Variants in BRD10 observed in about 807,000 individuals in gnomAD.
The protein encoded by BRD10 is uncharacterized bromodomain-containing protein 10.
chr9:5,998,767 G>C, the BRD10 span, among the ~76,000 whole-genome samples: 1 of 151,934 alleles, frequency 6.6e-6, no homozygotes, highest in Non-Finnish European at 1.5e-5. Flanking sequence ...ATATGATTAA[G>C]AGCTTTGACT....
the BRD10 span, chr9:5,921,881 G>C: frequency 6.2e-7 from 1 of 1,613,982 alleles, no homozygotes; most frequent in African/African-American, 1.3e-5. Context: ...GTGGCCTAAT[G>C]TAAGTTTGAG....
the BRD10 span, chr9:5,922,718 G>C: frequency 6.2e-7 from 1 of 1,613,904 alleles, no homozygotes; most frequent in Non-Finnish European, 8.5e-7. Flanking sequence ...TCCTGTTTTA[G>C]GATCCACCAT....
the BRD10 span, among the ~76,000 whole-genome samples, chr9:5,972,681 A>C: frequency 1.3e-5 from 2 of 152,190 alleles, no homozygotes; most frequent in Admixed American, 1.3e-4. Context: ...TAGGAGTAGA[A>C]GCAGTCTGAG....
At chr9:5,915,364 T>C in the BRD10 span, among the ~76,000 whole-genome samples, 3 of 152,206 alleles carry the variant, frequency 2.0e-5, no homozygotes, top group Non-Finnish European at 4.4e-5. Context: ...CTAAGTACTT[T>C]AGGTAAATTA....
the BRD10 span, among the ~76,000 whole-genome samples, chr9:5,912,637 C>G: frequency 6.6e-6 from 1 of 152,142 alleles, no homozygotes; most frequent in Non-Finnish European, 1.5e-5. Flanking sequence ...TCCTTGTGAC[C>G]TTTGTAGATA....
chr9:5,994,315 T>A, the BRD10 span, among the ~76,000 whole-genome samples: 1 of 152,186 alleles, frequency 6.6e-6, no homozygotes, highest in Non-Finnish European at 1.5e-5. Context: ...AAGGTATATA[T>A]TCAAAATGTT....
the BRD10 span, chr9:5,922,318 T>C: frequency 1.2e-6 from 2 of 1,614,012 alleles, no homozygotes; most frequent in Non-Finnish European, 1.7e-6. Context: ...AAATGGTCGG[T>C]GAAGCACTGG....
At chr9:5,969,097 T>C in the BRD10 span, 2 of 1,613,068 alleles carry the variant, frequency 1.2e-6, no homozygotes, top group East Asian at 4.5e-5. Flanking sequence ...TGTACCACTG[T>C]TGTACTTTCT....
the BRD10 span, among the ~76,000 whole-genome samples, chr9:5,942,055 G>T: frequency 1.3e-5 from 2 of 151,934 alleles, no homozygotes; most frequent in South Asian, 4.2e-4. Context: ...AATATATCTT[G>T]TTACTGGAGC....
At chr9:5,978,993 C>G in the BRD10 span, among the ~76,000 whole-genome samples, 3 of 152,096 alleles carry the variant, frequency 2.0e-5, no homozygotes, top group African/African-American at 7.2e-5. Flanking sequence ...TGTAAGAAAG[C>G]TATTTAAAAA....
chr9:5,998,712 A>G, the BRD10 span, among the ~76,000 whole-genome samples: 1 of 152,098 alleles, frequency 6.6e-6, no homozygotes, highest in Admixed American at 6.5e-5. Flanking sequence ...CAGTTATCCT[A>G]TAATTTATAT....
chr9:6,003,114 TAAC>T, the BRD10 span, among the ~76,000 whole-genome samples: 1 of 152,190 alleles, frequency 6.6e-6, no homozygotes. Context: ...TTTTTAACAG[TAAC>T]AATATGGAAA....
the BRD10 span, among the ~76,000 whole-genome samples, chr9:5,959,967 A>G: frequency 2.6e-5 from 4 of 152,132 alleles, no homozygotes; most frequent in Non-Finnish European, 2.9e-5. Flanking sequence ...TTCCAGTGAC[A>G]CCTCACTTAA....
chr9:5,976,000 C>T, the BRD10 span, among the ~76,000 whole-genome samples: 14 of 152,096 alleles, frequency 9.2e-5, no homozygotes, highest in Non-Finnish European at 1.8e-4. Context: ...TAAATAGCAA[C>T]AGATAATGCC....
the BRD10 span, among the ~76,000 whole-genome samples, chr9:5,927,106 G>C: frequency 6.6e-6 from 1 of 152,130 alleles, no homozygotes; most frequent in Admixed American, 6.5e-5. Flanking sequence ...AAATATCTAT[G>C]TGGGGATAGT....
chr9:5,921,647 G>C, the BRD10 span: 1 of 1,613,914 alleles, frequency 6.2e-7, no homozygotes, highest in Non-Finnish European at 8.5e-7. Context: ...CCTTGTAACA[G>C]GGTAACTTTT....
At chr9:5,955,047 C>T in the BRD10 span, among the ~76,000 whole-genome samples, 1 of 151,792 alleles carries the variant, frequency 6.6e-6, no homozygotes. Context: ...AAGATCGCAC[C>T]ATTGTTCTCC....
At chr9:5,894,446 G>A in the BRD10 span, among the ~76,000 whole-genome samples, 6 of 152,144 alleles carry the variant, frequency 3.9e-5, no homozygotes, top group Non-Finnish European at 7.3e-5. The surrounding 1 kb of genome is among the most constrained non-coding windows in gnomAD (Gnocchi z 4.0). Context: ...GGTAACAAAC[G>A]GAAGGGTGAG....
chr9:5,954,157 C>G, the BRD10 span: 4 of 853,370 alleles, frequency 4.7e-6, no homozygotes, highest in East Asian at 1.1e-4. Context: ...TAACAAAAAA[C>G]AAATTACGCA....
Sources: gnomAD v4.1 joint callset for allele counts (sites outside exome capture counted in the v4.1 genomes callset) on GRCh38, gnomAD v4.1.1 for gene constraint, Gnocchi (gnomAD v3.1) non-coding constraint, MANE v1.5 for transcripts, NCBI Gene and HGNC (gene_info 2026-07-23, HGNC 2026-07-21) for gene names.